THSD4: variants seen among roughly 807,000 people sequenced by gnomAD.
The protein encoded by THSD4 is thrombospondin type-1 domain-containing protein 4.
THSD4 carries 69 observed loss-of-function variants against 119.0 expected under a neutral mutation model. The ratio of observed to expected loss-of-function variants is 0.58; its 90% CI spans 0.48 to 0.71. The LOEUF is 0.71. Ranked by LOEUF, THSD4 falls within the 30% of genes least tolerant of loss-of-function variation. The probability of loss-of-function intolerance (pLI) is 0.00; values close to 1 mark genes in which losing one functional copy is unlikely to be tolerated. For missense variants in THSD4, 1,393 were observed against 1,391.1 expected (o/e 1.00, Z -0.02); for synonymous variants, 524 against 540.4 (o/e 0.97, Z 0.42).
chr15:71,488,800 C>A (rs933990363), intron 7 of THSD4, among the ~76,000 whole-genome samples: 1 of 152,130 alleles, frequency 6.6e-6, no homozygotes, highest in Non-Finnish European at 1.5e-5. Flanking sequence ...GCCCCTTTCC[C>A]GATTAAGTTA....
At chr15:71,290,512 CTG>C (rs1276624788) in intron 6 of THSD4, among the ~76,000 whole-genome samples, 4 of 152,076 alleles carry the variant, frequency 2.6e-5, no homozygotes, top group African/African-American at 9.7e-5. Context: ...CTTTTAAAAA[CTG>C]TTGTTTACAA....
intron 10 of THSD4, among the ~76,000 whole-genome samples, chr15:71,735,438 C>T (rs1324641699): frequency 5.3e-5 from 8 of 151,530 alleles, no homozygotes; most frequent in Non-Finnish European, 8.8e-5. Context: ...GAAAACCTCT[C>T]TCTCTCTTTC....
intron 6 of THSD4, among the ~76,000 whole-genome samples, chr15:71,263,313 G>A (rs1045375623): frequency 4.6e-5 from 5 of 108,024 alleles, no homozygotes; most frequent in African/African-American, 1.8e-4. Flanking sequence ...CTTTTTTATG[G>A]CTGCATAGTA....
At chr15:71,692,843 G>T (rs953198752) in intron 8 of THSD4, among the ~76,000 whole-genome samples, 1 of 152,156 alleles carries the variant, frequency 6.6e-6, no homozygotes, top group South Asian at 2.1e-4. Flanking sequence ...GCTGACCGAG[G>T]TCATATTTTA....
intron 6 of THSD4, among the ~76,000 whole-genome samples, chr15:71,282,796 T>G (rs2044669001): frequency 6.6e-6 from 1 of 152,256 alleles, no homozygotes; most frequent in East Asian, 1.9e-4. Context: ...CTCACTGATT[T>G]CTTCCTTATT....
chr15:71,359,035 A>T (rs1034913858), intron 6 of THSD4, among the ~76,000 whole-genome samples: 3 of 152,218 alleles, frequency 2.0e-5, no homozygotes, highest in Admixed American at 2.0e-4. Flanking sequence ...AATGGCAAGG[A>T]TAGTCCTTGT....
At chr15:71,594,100 G>A (rs566180486) in intron 7 of THSD4, among the ~76,000 whole-genome samples, 1 of 151,936 alleles carries the variant, frequency 6.6e-6, no homozygotes, top group Admixed American at 6.6e-5. Context: ...CAGCATGGGG[G>A]TTGCCTTTTC....
chr15:71,710,975 T>C (rs549732755), intron 8 of THSD4, among the ~76,000 whole-genome samples: 62 of 152,152 alleles, frequency 4.1e-4, no homozygotes, highest in Non-Finnish European at 6.9e-4. Context: ...TCATTATATC[T>C]GTTTACCTAT....
chr15:71,738,620 C>G (rs2053174927), intron 11 of THSD4, among the ~76,000 whole-genome samples: 1 of 152,170 alleles, frequency 6.6e-6, no homozygotes, highest in Non-Finnish European at 1.5e-5. Flanking sequence ...CCAGGTGTTG[C>G]CTCCAGCAGA....
chr15:71,308,645 T>C (rs747274902), intron 6 of THSD4, among the ~76,000 whole-genome samples: 1 of 152,242 alleles, frequency 6.6e-6, no homozygotes, highest in African/African-American at 2.4e-5. Flanking sequence ...TCATTTTGTT[T>C]ATCCATTCCT....
At chr15:71,137,013 T>C (rs1316472822) in intron 1 of THSD4, among the ~76,000 whole-genome samples, 1 of 152,198 alleles carries the variant, frequency 6.6e-6, no homozygotes, top group Non-Finnish European at 1.5e-5. Flanking sequence ...GGATGGCCAC[T>C]TTGGCCTGAA....
chr15:71,751,329 A>C (rs1016531140), intron 14 of THSD4, among the ~76,000 whole-genome samples: 1 of 152,224 alleles, frequency 6.6e-6, no homozygotes, highest in Non-Finnish European at 1.5e-5. Flanking sequence ...TTCTGGTTAA[A>C]AAGTAACACA....
chr15:71,281,773 G>A (rs1259607887), intron 6 of THSD4, among the ~76,000 whole-genome samples: 1 of 152,164 alleles, frequency 6.6e-6, no homozygotes, highest in African/African-American at 2.4e-5. Flanking sequence ...ATATATGAAA[G>A]GCACTTGTTC....
rs202185266 is a variant in THSD4, at chr15:71,729,008, A to G, written c.1533+284A>G. On this transcript the variant is annotated intron_variant, in intron 9 of 17. Coordinates refer to ENST00000261862, the MANE Select transcript of THSD4 (RefSeq NM_024817.3). Reference sequence around the variant, plus strand: ...CTTGTTGAACCAAATCAGAGGCAAAACATGCCCTTTATTTCATGAGCATTG... The same window carrying G: ...CTTGTTGAACCAAATCAGAGGCAAAGCATGCCCTTTATTTCATGAGCATTG... 9.1e-6 allele frequency: 4 copies of G among 438,336 alleles called. No homozygotes were observed. The East Asian group carries it at 1.8e-4, about 19-fold the overall frequency. 27.2% of individuals were successfully genotyped at this position (438,336 alleles called of 1,614,324 possible). A position where few individuals can be genotyped will look rare whatever the true frequency, so the allele number is the denominator to read the frequency against.
At chr15:71,718,713 C>T (rs1261382123) in intron 8 of THSD4, among the ~76,000 whole-genome samples, 3 of 152,254 alleles carry the variant, frequency 2.0e-5, no homozygotes, top group African/African-American at 7.2e-5. Flanking sequence ...CTTCTAAGGT[C>T]GTGCCCCCTC....
At chr15:71,468,016 T>A (rs957704960) in intron 7 of THSD4, among the ~76,000 whole-genome samples, 29 of 151,978 alleles carry the variant, frequency 1.9e-4, no homozygotes, top group Non-Finnish European at 3.7e-4. Context: ...GCCTGGCTAA[T>A]TTTTGTATTT....
intron 7 of THSD4, among the ~76,000 whole-genome samples, chr15:71,452,949 T>A (rs925346525): frequency 6.6e-5 from 10 of 152,156 alleles, no homozygotes; most frequent in African/African-American, 2.4e-4. Context: ...GTCATGAGGA[T>A]AGGGCCCCTG....
intron 6 of THSD4, among the ~76,000 whole-genome samples, chr15:71,326,859 C>A (rs965055854): frequency 1.3e-5 from 2 of 148,450 alleles, no homozygotes; most frequent in African/African-American, 4.9e-5. Flanking sequence ...GATGCCAGAG[C>A]GAGACCCTGT....
intron 7 of THSD4, among the ~76,000 whole-genome samples, chr15:71,612,498 G>A (rs1444673170): frequency 6.6e-6 from 1 of 152,248 alleles, no homozygotes; most frequent in Admixed American, 6.5e-5. Flanking sequence ...GGTTGCTCAG[G>A]TTGTTAATGT....
Sources: gnomAD v4.1 joint callset for allele counts (sites outside exome capture counted in the v4.1 genomes callset) on GRCh38, gnomAD v4.1.1 for gene constraint, MANE v1.5 for transcripts, NCBI Gene and HGNC (gene_info 2026-07-23, HGNC 2026-07-21) for gene names.